FOXJ3: variants seen among roughly 807,000 people sequenced by gnomAD.
FOXJ3 encodes the protein forkhead box protein J3.
FOXJ3 carries 22 observed loss-of-function variants against 76.1 expected under a neutral mutation model. That is an observed-to-expected ratio of 0.29 (90% CI 0.21 to 0.41). The LOEUF (loss-of-function observed/expected upper bound fraction) is 0.41. Ranked by LOEUF, FOXJ3 falls within the 10% of genes least tolerant of loss-of-function variation. The pLI is 1.00. For missense variants in FOXJ3, 613 were observed against 762.1 expected (o/e 0.80, Z 2.30); for synonymous variants, 269 against 261.2 (o/e 1.03, Z -0.29).
Position 42,214,162 on chromosome 1 carries a change from T to C in FOXJ3, c.529-8299A>G, listed in dbSNP as rs528456644. ...CATAGCTTCAACTATTACAAAACAG[T>C]AAATTAAACAAACAAAAAAAAAGCT... On this transcript the variant is annotated intron_variant, in intron 5 of 12. Coordinates refer to ENST00000361346, the MANE Select transcript of FOXJ3 (RefSeq NM_014947.5). Among the ~76,000 whole-genome samples, 10 of 152,280 alleles carry C rather than the reference T, an allele frequency of 6.6e-5. No individual in the cohort carries two copies. The East Asian group carries it at 1.9e-3, about 29-fold the overall frequency.
intron 4 of FOXJ3, among the ~76,000 whole-genome samples, chr1:42,253,317 T>C (rs1441246955): frequency 6.7e-6 from 1 of 149,400 alleles, no homozygotes; most frequent in African/African-American, 2.5e-5. Flanking sequence ...TAAAAGAGGA[T>C]ACAAACAAAT....
intron 4 of FOXJ3, among the ~76,000 whole-genome samples, chr1:42,259,207 G>A (rs1213443083): frequency 6.6e-6 from 1 of 152,032 alleles, no homozygotes; most frequent in Non-Finnish European, 1.5e-5. Context: ...AAAATTATAG[G>A]GACACAAACA....
chr1:42,293,166 A>T (rs1653556329), intron 2 of FOXJ3, among the ~76,000 whole-genome samples: 1 of 152,178 alleles, frequency 6.6e-6, no homozygotes, highest in Non-Finnish European at 1.5e-5. Flanking sequence ...GCTTGGACAT[A>T]AAAAGAGACA....
In FOXJ3 at chr1:42,182,007, A is replaced by C. The variant is rs776127741; in HGVS notation, c.1663T>G (p.Ser555Ala). The C allele has an allele frequency of 6.2e-7, 1 of 1,610,248 alleles. No individual in the cohort carries two copies. Among genetic ancestry groups the C allele is most frequent in the South Asian group, 1.1e-5 (1 of 90,774 alleles). ...HIGTGNLYID[S>A]RQNLPPSVMP... ...ACTGAAGGAGGGAGATTTTGCCTAG[A>C]ATCTATGTACAAATTTCCTAATCAG... The change falls in exon 12 of 13, where the codon TCT becomes GCT. Residue 555 changes from serine (S) to alanine (A), a missense_variant. Coordinates refer to ENST00000361346, the MANE Select transcript of FOXJ3 (RefSeq NM_014947.5).
chr1:42,229,623 T>G (rs1417312559), intron 4 of FOXJ3, among the ~76,000 whole-genome samples: 2 of 152,186 alleles, frequency 1.3e-5, no homozygotes, highest in Non-Finnish European at 2.9e-5. Context: ...TCACTACATT[T>G]CAGCTAAGGA....
chr1:42,318,402 A>C (rs1655245023), intron 1 of FOXJ3, among the ~76,000 whole-genome samples: 1 of 152,090 alleles, frequency 6.6e-6, no homozygotes, highest in African/African-American at 2.4e-5. Context: ...AGTGCAGTGG[A>C]GTGATCTTGG....
rs1167908254 is a variant in FOXJ3, at chr1:42,331,440, T to C, written c.-18+3619A>G. On this transcript the variant is annotated intron_variant, in intron 1 of 12. Coordinates refer to ENST00000361346, the MANE Select transcript of FOXJ3 (RefSeq NM_014947.5). ...CTCAAATGTCCATCAACTAAAGCAA[T>C]GGCTATCAACGTAGTATATACATAC... is the stretch of plus-strand genomic sequence containing the variant. Among the ~76,000 whole-genome samples the C allele has an allele frequency of 2.0e-5, 3 of 152,010 alleles. No individual in the cohort carries two copies. In the East Asian group the frequency reaches 5.8e-4, roughly 29 times the overall value.
rs191430253 is a variant in FOXJ3 at position 42,309,021 on chromosome 1, C to A, written c.44+2029G>T. Among the ~76,000 whole-genome samples, 596 of 61,286 alleles carry A rather than the reference C, an allele frequency of 9.7e-3. 4 individuals are homozygous for A. Among genetic ancestry groups the A allele is most frequent in the African/African-American group, 0.028 (564 of 20,196 alleles). 40.2% of individuals were successfully genotyped at this position (61,286 alleles called of 152,430 possible). A position where few individuals can be genotyped will look rare whatever the true frequency, so the allele number is the denominator to read the frequency against. ...TTTTACAAAAAAAAAAAAAAAAATG[C>A]TTTTCTACTGAGAAATAGGATAGTC... On this transcript the variant is annotated intron_variant, in intron 2 of 12. Coordinates refer to ENST00000361346, the MANE Select transcript of FOXJ3 (RefSeq NM_014947.5).
In FOXJ3 at chr1:42,311,126, G is replaced by T. The variant is rs1434385130; in HGVS notation, c.-17-16C>A. 1 of 1,561,620 alleles carries T rather than the reference G, an allele frequency of 6.4e-7. No homozygotes were observed. Among genetic ancestry groups the T allele is most frequent in the South Asian group, 1.2e-5 (1 of 84,522 alleles). On this transcript the variant is annotated splice_polypyrimidine_tract_variant and intron_variant, in intron 1 of 12. Coordinates refer to ENST00000361346, the MANE Select transcript of FOXJ3 (RefSeq NM_014947.5). ...CAAAGAGAATCTGAAAAGCAAAGAA[G>T]AGTTAGTTATCAGATACTGCAAAGT...
chr1:42,245,665 C>T (rs1649493003), intron 4 of FOXJ3, among the ~76,000 whole-genome samples: 1 of 152,062 alleles, frequency 6.6e-6, no homozygotes, highest in Admixed American at 6.6e-5. Flanking sequence ...CAAAAACACA[C>T]CTCAACATAA....
chr1:42,205,902 A>C, intron 5 of FOXJ3, 39 bp from the exon 6 acceptor site: 1 of 1,200,124 alleles, frequency 8.3e-7, no homozygotes, highest in Non-Finnish European at 1.2e-6. Flanking sequence ...ATTAGCTCAT[A>C]TATCCAGCAA....
At chr1:42,195,129 A>T in intron 7 of FOXJ3, 65 bp from the exon 8 acceptor site, 8 of 1,198,886 alleles carry the variant, frequency 6.7e-6, no homozygotes, top group Non-Finnish European at 8.2e-6. Flanking sequence ...TTGTTATATA[A>T]AATATATAAC....
chr1:42,224,048 A>T (rs1236617404), intron 5 of FOXJ3, among the ~76,000 whole-genome samples: 1 of 152,270 alleles, frequency 6.6e-6, no homozygotes, highest in Admixed American at 6.5e-5. Context: ...ACATAAATTC[A>T]GCATAATCTT....
At chr1:42,306,239 A>AT (rs1166530266) in intron 2 of FOXJ3, among the ~76,000 whole-genome samples, 1 of 151,862 alleles carries the variant, frequency 6.6e-6, no homozygotes, top group African/African-American at 2.4e-5. Flanking sequence ...AGATTCTGCT[A>AT]AACTTTTAAG....
chr1:42,204,473 G>A (rs1309108989), intron 6 of FOXJ3, among the ~76,000 whole-genome samples: 2 of 152,028 alleles, frequency 1.3e-5, no homozygotes, highest in African/African-American at 2.4e-5. Context: ...TTGTTTCCTA[G>A]TAACCACACT....
At chr1:42,300,975 T>C (rs1161117428) in intron 2 of FOXJ3, among the ~76,000 whole-genome samples, 1 of 152,202 alleles carries the variant, frequency 6.6e-6, no homozygotes, top group Non-Finnish European at 1.5e-5. Context: ...CTTTGAACAG[T>C]CTGATGACTA....
At chr1:42,304,562 T>C (rs777432936) in intron 2 of FOXJ3, among the ~76,000 whole-genome samples, 2 of 152,078 alleles carry the variant, frequency 1.3e-5, no homozygotes, top group South Asian at 4.1e-4. Context: ...GCCATACCAA[T>C]GGAACAGGAT....
chr1:42,191,630 G>T lies in FOXJ3; in HGVS notation c.1024C>A (p.Pro342Thr), dbSNP rs755397854. ...HSPSSTVSTH[P>T]HSNQSSLSNS... ...GACAGGCTGCTTTGGTTGCTGTGTG[G>T]GTGAGTGCTCACTGTACTGCTGGGA... Residue 342 changes from proline to threonine, a missense_variant, in exon 9 of 13, where the codon CCA becomes ACA. Coordinates refer to ENST00000361346, the MANE Select transcript of FOXJ3 (RefSeq NM_014947.5). 2 of 1,614,134 alleles carry T rather than the reference G, an allele frequency of 1.2e-6. No homozygotes were observed. The highest frequency in any genetic ancestry group is 1.7e-6 in the Non-Finnish European group (2 of 1,180,032).
chr1:42,266,003 G>T (rs888479548), intron 3 of FOXJ3, among the ~76,000 whole-genome samples: 2 of 152,108 alleles, frequency 1.3e-5, no homozygotes, highest in Non-Finnish European at 2.9e-5. Context: ...TCAATTAAAT[G>T]CTCCAAAACC....
Sources: gnomAD v4.1 joint callset for allele counts (sites outside exome capture counted in the v4.1 genomes callset) on GRCh38, gnomAD v4.1.1 for gene constraint, MANE v1.5 for transcripts, NCBI Gene and HGNC (gene_info 2026-07-23, HGNC 2026-07-21) for gene names.